MYO6: variants seen among roughly 807,000 people sequenced by gnomAD.
MYO6 encodes unconventional myosin-VI.
MYO6 carries 74 observed loss-of-function variants against 178.7 expected under a neutral mutation model. That is an observed-to-expected ratio of 0.41 (90% CI 0.34 to 0.50). MYO6 has a LOEUF of 0.50. MYO6 is among the 20% of genes least tolerant of loss of function. The pLI, the probability that MYO6 is intolerant of heterozygous loss-of-function variation, is 0.09. For synonymous variants in MYO6, 477 were observed against 504.6 expected (o/e 0.95, Z 0.73); for missense variants, 1,330 against 1,547.4 (o/e 0.86, Z 2.36).
At chr6:75,910,756 C>G (rs1780698736) in intron 32 of MYO6, among the ~76,000 whole-genome samples, 1 of 152,044 alleles carries the variant, frequency 6.6e-6, no homozygotes, top group African/African-American at 2.4e-5. Context: ...GACACAGGAG[C>G]ATAGCTAAAA....
chr6:75,826,011 A>G (rs1772430472), intron 3 of MYO6, among the ~76,000 whole-genome samples: 1 of 152,230 alleles, frequency 6.6e-6, no homozygotes, highest in Non-Finnish European at 1.5e-5. Context: ...TAAACAGTTT[A>G]CATAAAGAGT....
chr6:75,858,698 A>C (rs1775940976), intron 13 of MYO6, among the ~76,000 whole-genome samples: 1 of 152,208 alleles, frequency 6.6e-6, no homozygotes, highest in East Asian at 1.9e-4. Flanking sequence ...TTGTCAACTG[A>C]AGCAGGGTAT....
At chr6:75,874,826 A>G (rs542607376) in intron 20 of MYO6, among the ~76,000 whole-genome samples, 2 of 152,004 alleles carry the variant, frequency 1.3e-5, no homozygotes, top group Non-Finnish European at 2.9e-5. Context: ...CATGCATTCT[A>G]CTTACTCTTT....
chr6:75,894,489 C>T (rs574086834), intron 28 of MYO6, among the ~76,000 whole-genome samples: 1 of 152,308 alleles, frequency 6.6e-6, no homozygotes, highest in African/African-American at 2.4e-5. Flanking sequence ...ACCCTCAGGT[C>T]CTCATGAGCT....
At chr6:75,857,564 A>G (rs146430341) in intron 13 of MYO6, among the ~76,000 whole-genome samples, 2 of 152,332 alleles carry the variant, frequency 1.3e-5, no homozygotes, top group East Asian at 3.9e-4. Flanking sequence ...CTTGTGTGCT[A>G]CTAATAAAGA....
intron 2 of MYO6, among the ~76,000 whole-genome samples, chr6:75,819,171 A>C (rs1315571671): frequency 6.6e-6 from 1 of 152,230 alleles, no homozygotes; most frequent in East Asian, 1.9e-4. Flanking sequence ...AGGGAGTGAT[A>C]TAAATTTCAT....
chr6:75,761,942 T>A (rs531177406), intron 1 of MYO6, among the ~76,000 whole-genome samples: 1 of 152,140 alleles, frequency 6.6e-6, no homozygotes, highest in East Asian at 1.9e-4. Flanking sequence ...TTCTTTTTTT[T>A]TTTTTTTAAG....
chr6:75,845,001 A>C, intron 10 of MYO6, 24 bp downstream of exon 10: 2 of 1,567,528 alleles, frequency 1.3e-6, no homozygotes, highest in Non-Finnish European at 1.8e-6. Flanking sequence ...TTGTTCATAA[A>C]ATCTTTAACT....
At chr6:75,804,601 A>G (rs964562822) in intron 1 of MYO6, among the ~76,000 whole-genome samples, 1 of 152,040 alleles carries the variant, frequency 6.6e-6, no homozygotes, top group South Asian at 2.1e-4. Flanking sequence ...CCTATTAGCT[A>G]GAAGGCTCCC....
chr6:75,773,612 C>T (rs538039466), intron 1 of MYO6, among the ~76,000 whole-genome samples: 89 of 152,300 alleles, frequency 5.8e-4, no homozygotes, highest in African/African-American at 2.1e-3. Context: ...GCAGTACAGA[C>T]ACAGTCCCAC....
intron 20 of MYO6, among the ~76,000 whole-genome samples, chr6:75,877,546 C>T (rs543500285): frequency 4.6e-5 from 7 of 152,126 alleles, no homozygotes; most frequent in Admixed American, 2.0e-4. Context: ...GGATTGCAGG[C>T]GTGAGCCACC....
In MYO6 at chr6:75,887,466, A is replaced by T. The variant is rs184922474; in HGVS notation, c.2658+472A>T. ...AGACCATCATGGCCAACATGGTGAA[A>T]CCCTGTCTCTACTAAAAATACAAAA... On this transcript the variant is annotated intron_variant, in intron 25 of 34. Coordinates refer to ENST00000369977, the MANE Select transcript of MYO6 (RefSeq NM_004999.4). Among the ~76,000 whole-genome samples the T allele has an allele frequency of 2.6e-5, 4 of 151,394 alleles. No individual in the cohort carries two copies. In the East Asian group the frequency reaches 7.8e-4, roughly 30 times the overall value.
rs976626412 is a variant in MYO6 at position 75,906,741 on chromosome 6, G to A, written c.3177-864G>A. 4.6e-5 allele frequency among the ~76,000 whole-genome samples: 7 copies of A among 152,100 alleles called. No individual in the cohort carries two copies. In the East Asian group the frequency reaches 5.8e-4, roughly 13 times the overall value. On this transcript the variant is annotated intron_variant, in intron 30 of 34. Transcript: ENST00000369977. ...AAAAAAGCAGGCCTTAAAGCACTGC[G>A]TAGCACTGTTTTGAAAAAGTTGAAT...
chr6:75,862,675 C>G lies in MYO6; in HGVS notation c.1626C>G (p.His542Gln). 1 of 1,614,094 alleles carries G rather than the reference C, an allele frequency of 6.2e-7. No homozygotes were observed. The highest frequency in any genetic ancestry group is 8.5e-7 in the Non-Finnish European group (1 of 1,179,976). The change falls in exon 16 of 35, where the codon CAC becomes CAG. Residue 542 changes from histidine to glutamine, a missense_variant. Coordinates refer to ENST00000369977, the MANE Select transcript of MYO6 (RefSeq NM_004999.4). Reference sequence around the variant, plus strand: ...GCCTTCCCCAGCCAAGTGATCAACACTTTACATCTGCAGTTCACCAAAAGC... The same window carrying G: ...GCCTTCCCCAGCCAAGTGATCAACAGTTTACATCTGCAGTTCACCAAAAGC... ...ENRLPQPSDQ[H>Q]FTSAVHQKHK...
At chr6:75,903,314 T>C (rs957638552) in intron 30 of MYO6, among the ~76,000 whole-genome samples, 7 of 152,160 alleles carry the variant, frequency 4.6e-5, no homozygotes, top group Non-Finnish European at 5.9e-5. Context: ...CTGTCTAATG[T>C]GGACAGTGGG....
intron 1 of MYO6, among the ~76,000 whole-genome samples, chr6:75,771,117 CT>C (rs1208720213): frequency 6.6e-6 from 1 of 151,958 alleles, no homozygotes; most frequent in African/African-American, 2.4e-5. Context: ...ATCCTCCCGC[CT>C]CAGCCCCCAA....
chr6:75,890,345 ATTTGT>A (rs935136259), intron 26 of MYO6, 80 bp downstream of exon 26: 17 of 1,585,046 alleles, frequency 1.1e-5, no homozygotes, highest in African/African-American at 9.5e-5. Context: ...AATGACAATT[ATTTGT>A]TTTGTTTTGT....
In MYO6 at chr6:75,914,966, C is replaced by T; in HGVS notation, c.3812C>T (p.Ala1271Val). 6.2e-7 allele frequency: 1 copy of T among 1,613,840 alleles called. No homozygotes were observed. The highest frequency in any genetic ancestry group is 8.5e-7 in the Non-Finnish European group (1 of 1,179,986). Residue 1271 changes from alanine to valine, a missense_variant, in exon 35 of 35, where the codon GCT (alanine) becomes GTT (valine). This residue lies in a region of MYO6 where 601 missense variants were observed against 626.1 expected (regional missense o/e 0.96). Coordinates refer to ENST00000369977, the MANE Select transcript of MYO6 (RefSeq NM_004999.4). ...YLQNAIESRQARPTYATAMLQ... is the reference protein window; with the variant it reads ...YLQNAIESRQVRPTYATAMLQ... ...CAGAATGCGATTGAGAGCAGACAGG[C>T]TCGGCCCACCTATGCAACAGCCATG...
In MYO6 at chr6:75,890,204, G is replaced by A. The variant is rs1191531009; in HGVS notation, c.2806G>A (p.Glu936Lys). The A allele has an allele frequency of 6.2e-7, 1 of 1,611,812 alleles. No homozygotes were observed. The change falls in exon 26 of 35, where the codon GAA becomes AAA. Residue 936 changes from glutamate (E) to lysine (K), a missense_variant. Physicochemically the swap from Glu to Lys is moderately conservative, Grantham distance 56. This residue lies in a region of MYO6 where 601 missense variants were observed against 626.1 expected (regional missense o/e 0.96). Coordinates refer to ENST00000369977, the MANE Select transcript of MYO6 (RefSeq NM_004999.4). ...GCGTATTCAAGAAGAAATGGAAAAGGAAAGAAAAAGACGTGAAGAAGACGA... is the reference window on the plus strand; with the variant it reads ...GCGTATTCAAGAAGAAATGGAAAAGAAAAGAAAAAGACGTGAAGAAGACGA... ...LRRIQEEMEK[E>K]RKRREEDEKR...
Sources: allele counts gnomAD v4.1 joint callset (sites outside exome capture counted in the v4.1 genomes callset), GRCh38; gene constraint gnomAD v4.1.1; regional missense constraint gnomAD v4.1.1; transcripts MANE v1.5; gene names NCBI Gene and HGNC (gene_info 2026-07-23, HGNC 2026-07-21).